Variants in KDM1B observed in about 807,000 individuals in gnomAD.
KDM1B encodes lysine demethylase 1B, also known as lysine-specific histone demethylase 2.
KDM1B carries 63 observed loss-of-function variants against 107.4 expected under a neutral mutation model. That is an observed-to-expected ratio of 0.59 (90% CI 0.48 to 0.72). The LOEUF is 0.72. Among genes scored for constraint, KDM1B ranks in the 30% least tolerant of loss-of-function variants. The probability of loss-of-function intolerance (pLI) is 0.00; values close to 1 mark genes in which losing one functional copy is unlikely to be tolerated. For synonymous variants in KDM1B, 363 were observed against 363.9 expected (o/e 1.00, Z 0.03); for missense variants, 749 against 1,020.8 (o/e 0.73, Z 3.63).
chr6:18,208,273 A>G (rs1788528374), intron 17 of KDM1B, 67 bp downstream of exon 17: 3 of 1,163,906 alleles, frequency 2.6e-6, no homozygotes, highest in Non-Finnish European at 3.8e-6. Context: ...GGGAAGGACA[A>G]ATCTTTCCTA....
rs1561954934 is a variant in KDM1B, at chr6:18,213,770, A to G, written c.2098A>G (p.Met700Val). ...KRGLFAVFYD[M>V]DPQKKHSVLM... ...AGGGCTTTTTGCCGTGTTCTATGAC[A>G]TGGATCCCCAGGTAAAATCATTCGT... The change falls in exon 19 of 22, where the codon ATG (methionine) becomes GTG (valine). Residue 700 changes from methionine (M) to valine (V), a missense_variant. Transcript: ENST00000650836. This position sits in a 1 kb window ranked among gnomAD's most constrained non-coding sequence, Gnocchi z 5.9. 2 of 1,614,118 alleles carry G rather than the reference A, an allele frequency of 1.2e-6. No individual in the cohort carries two copies. Among genetic ancestry groups the G allele is most frequent in the East Asian group, 2.2e-5 (1 of 44,880 alleles).
At position 18,213,339 on chromosome 6, in the gene KDM1B, G is replaced by A. The variant is rs1359822059; in HGVS notation, c.1984-317G>A. ...TAATCCCAGCTACTTGGGATGCTGA[G>A]GCAGGAGAATCACTCGAAACCGGAA... On this transcript the variant is annotated intron_variant, in intron 18 of 21. Coordinates refer to ENST00000650836, the MANE Select transcript of KDM1B (RefSeq NM_001364614.2). The surrounding 1 kb of genome is among the most constrained non-coding windows in gnomAD (Gnocchi z 5.9). Among the ~76,000 whole-genome samples the A allele has an allele frequency of 1.3e-5, 2 of 151,980 alleles. No individual in the cohort carries two copies. Among genetic ancestry groups the A allele is most frequent in the African/African-American group, 2.4e-5 (1 of 41,384 alleles).
chr6:18,216,622 G>T (rs1356476355), intron 20 of KDM1B, among the ~76,000 whole-genome samples: 1 of 152,124 alleles, frequency 6.6e-6, no homozygotes, highest in Non-Finnish European at 1.5e-5. Flanking sequence ...GAAAATATTT[G>T]ATGGAAAATT....
chr6:18,177,209 C>G (rs1786078611), intron 7 of KDM1B, among the ~76,000 whole-genome samples: 1 of 152,050 alleles, frequency 6.6e-6, no homozygotes, highest in Admixed American at 6.6e-5. Flanking sequence ...TGTATTTTTC[C>G]AGGAATTTGT....
At chr6:18,165,107 C>A (rs1303320678) in intron 5 of KDM1B, among the ~76,000 whole-genome samples, 2 of 148,854 alleles carry the variant, frequency 1.3e-5, no homozygotes, top group African/African-American at 2.5e-5. Flanking sequence ...TATTCTTTTT[C>A]CCCTTCCTCT....
At chr6:18,202,261 T>A (rs1788085285) in intron 14 of KDM1B, among the ~76,000 whole-genome samples, 1 of 150,540 alleles carries the variant, frequency 6.6e-6, no homozygotes, top group African/African-American at 2.5e-5. Flanking sequence ...GGGGCAAGCA[T>A]GGTGGTGTGT....
chr6:18,195,495 A>G (rs978911844), intron 10 of KDM1B, among the ~76,000 whole-genome samples: 12 of 152,134 alleles, frequency 7.9e-5, no homozygotes, highest in African/African-American at 2.9e-4. Context: ...GCACTTTGGG[A>G]GGTCGAGGCG....
rs12215433 is a variant in KDM1B at position 18,194,976 on chromosome 6, C to T, written c.970-2081C>T. On this transcript the variant is annotated intron_variant, in intron 10 of 21. Transcript: ENST00000650836. ...TCCTGCTCTCAGCCCCTGGCAACCA[C>T]GAATCTACTCTCTATCTGTATAGAT... 2.4e-3 allele frequency among the ~76,000 whole-genome samples: 369 copies of T among 152,276 alleles called. 1 individual carries two copies. Among genetic ancestry groups the T allele is most frequent in the African/African-American group, 8.2e-3 (342 of 41,530 alleles).
At chr6:18,161,507 T>C in intron 4 of KDM1B, 53 bp downstream of exon 4, 1 of 1,593,832 alleles carries the variant, frequency 6.3e-7, no homozygotes, top group Non-Finnish European at 8.6e-7. Flanking sequence ...AGAAGTTCTT[T>C]GTGGAAACAT....
chr6:18,176,177 T>A (rs1458188716), intron 7 of KDM1B, among the ~76,000 whole-genome samples: 1 of 152,186 alleles, frequency 6.6e-6, no homozygotes, highest in East Asian at 1.9e-4. Context: ...GACTCCTTGG[T>A]TAGGTTTATT....
At chr6:18,190,456 G>T (rs935954873) in intron 9 of KDM1B, among the ~76,000 whole-genome samples, 2 of 149,266 alleles carry the variant, frequency 1.3e-5, no homozygotes, top group Non-Finnish European at 3.0e-5. Flanking sequence ...AAAAAAATTA[G>T]CTGGGCATGG....
intron 20 of KDM1B, among the ~76,000 whole-genome samples, chr6:18,215,596 T>TA (rs1789160390): frequency 6.6e-6 from 1 of 152,130 alleles, no homozygotes; most frequent in South Asian, 2.1e-4. Context: ...TGCGACGAAA[T>TA]ACAGTCACAT....
In KDM1B at chr6:18,211,479, G is replaced by A. The variant is rs919774002; in HGVS notation, c.1867-1009G>A. ...CTTTCGCTTCCCTTCTGCTGCCTCT[G>A]TTGAGAGCACACAATGCTGGAGGTG... On this transcript the variant is annotated intron_variant, in intron 17 of 21. Coordinates refer to ENST00000650836, the MANE Select transcript of KDM1B (RefSeq NM_001364614.2). This position sits in a 1 kb window ranked among gnomAD's most constrained non-coding sequence, Gnocchi z 5.2. 1 of 152,252 alleles carries A rather than the reference G, an allele frequency of 6.6e-6. No homozygotes were observed. Among genetic ancestry groups the A allele is most frequent in the African/African-American group, 2.4e-5 (1 of 41,446 alleles). 9.4% of individuals were successfully genotyped at this position (152,252 alleles called of 1,614,324 possible).
In KDM1B at chr6:18,197,111, C is replaced by T. The variant is rs1787701270; in HGVS notation, c.1024C>T (p.Arg342Cys). Reference sequence around the variant, plus strand: ...TCACATCATCGTCCGGGGTCTCGTGCGTATTCGATGCGTTCAGGAAGTGGA... The same window carrying T: ...TCACATCATCGTCCGGGGTCTCGTGTGTATTCGATGCGTTCAGGAAGTGGA... ...IPHIIVRGLV[R>C]IRCVQEVERI... The change falls in exon 11 of 22, where the codon CGT (arginine) becomes TGT (cysteine). Residue 342 changes from arginine to cysteine, a missense_variant. By Grantham distance (180) the Arg-to-Cys change is radical. Coordinates refer to ENST00000650836, the MANE Select transcript of KDM1B (RefSeq NM_001364614.2). The surrounding 1 kb of genome is among the most constrained non-coding windows in gnomAD (Gnocchi z 4.5). The T allele has an allele frequency of 5.0e-6, 8 of 1,613,810 alleles. No homozygotes were observed. The highest frequency in any genetic ancestry group is 2.2e-5 in the East Asian group (1 of 44,888).
chr6:18,198,434 G>T (rs56815984), intron 12 of KDM1B, among the ~76,000 whole-genome samples: 2,810 of 150,608 alleles, frequency 0.019, 71 homozygotes, highest in African/African-American at 0.065. Context: ...TCACCATGTT[G>T]GCAAGGCAGG....
Position 18,222,106 on chromosome 6 carries a change from A to AT in KDM1B, c.*115dup. The AT allele has an allele frequency of 1.1e-6, 1 of 947,084 alleles. No homozygotes were observed. Among genetic ancestry groups the AT allele is most frequent in the South Asian group, 1.3e-5 (1 of 75,494 alleles). The allele number at this position is 947,084 out of a possible 1,614,324, so 58.7% of individuals were successfully genotyped here. ...ACCGTCTCTACATAGTAAAACTGAA[A>AT]TGTTTCTAAGGCGATATGATAATGC... On this transcript the variant is annotated 3_prime_UTR_variant, in exon 22 of 22. Coordinates refer to ENST00000650836, the MANE Select transcript of KDM1B (RefSeq NM_001364614.2).
chr6:18,171,333 G>C (rs769395896), intron 6 of KDM1B, 30 bp from the exon 7 acceptor site: 1 of 1,076,526 alleles, frequency 9.3e-7, no homozygotes, highest in Non-Finnish European at 1.5e-6. Context: ...TAGCTCACTT[G>C]TTCATCTTGA....
Position 18,201,537 on chromosome 6 carries a change from G to T in KDM1B, c.1411G>T (p.Gly471Cys). 1.3e-6 allele frequency: 2 copies of T among 1,550,308 alleles called. No individual in the cohort carries two copies. The highest frequency in any genetic ancestry group is 8.7e-7 in the Non-Finnish European group (1 of 1,146,764). ...FGERCDLIQE[G>C]GRITDPTIDK... ...AGAAAGATGTGACTTAATTCAGGAA[G>T]GTGGAAGAATAACTGACCCCACTAT... Residue 471 changes from glycine (G) to cysteine (C), a missense_variant, in exon 14 of 22, where the codon GGT becomes TGT. By Grantham distance (159) the Gly-to-Cys change is radical. Transcript: ENST00000650836. This position sits in a 1 kb window ranked among gnomAD's most constrained non-coding sequence, Gnocchi z 4.3.
chr6:18,177,230 T>C (rs764637624), intron 7 of KDM1B, among the ~76,000 whole-genome samples: 1 of 152,196 alleles, frequency 6.6e-6, no homozygotes, highest in Non-Finnish European at 1.5e-5. Context: ...CCATGTCTTC[T>C]AGGTTTTCTA....
Sources: allele counts gnomAD v4.1 joint callset (sites outside exome capture counted in the v4.1 genomes callset), GRCh38; gene constraint gnomAD v4.1.1; non-coding constraint Gnocchi (gnomAD v3.1); transcripts MANE v1.5; gene names NCBI Gene and HGNC (gene_info 2026-07-23, HGNC 2026-07-21).